Variants in MSRA observed in about 807,000 individuals in gnomAD.
MSRA encodes methionine sulfoxide reductase A.
MSRA carries 54 observed loss-of-function variants against 31.3 expected under a neutral mutation model. The observed-to-expected ratio is 1.73, with a 90% confidence interval of 1.39 to 2.17. MSRA has a LOEUF of 2.17. Among genes scored for constraint, MSRA ranks in the 30% most tolerant of loss-of-function variants. The pLI, the probability that MSRA is intolerant of heterozygous loss-of-function variation, is 0.00. For missense variants in MSRA, 507 were observed against 300.9 expected (o/e 1.69, Z -5.07); for synonymous variants, 169 against 116.5 (o/e 1.45, Z -2.90).
chr8:10,057,752 G>A (rs1361980618), intron 1 of MSRA, among the ~76,000 whole-genome samples: 1 of 152,130 alleles, frequency 6.6e-6, no homozygotes, highest in Non-Finnish European at 1.5e-5. Context: ...CCTTTGTGTG[G>A]AGATGTGCCA....
chr8:10,192,906 A>T (rs1262365406), intron 1 of MSRA, among the ~76,000 whole-genome samples: 1 of 152,234 alleles, frequency 6.6e-6, no homozygotes, highest in Admixed American at 6.5e-5. Context: ...CCATTTCATA[A>T]ACATGCTTTT....
intron 1 of MSRA, among the ~76,000 whole-genome samples, chr8:10,114,493 C>T (rs1296055216): frequency 9.9e-6 from 1 of 101,382 alleles, no homozygotes; most frequent in Non-Finnish European, 2.3e-5. Context: ...TCCTTGCCAA[C>T]ACTTGTTATT....
intron 3 of MSRA, among the ~76,000 whole-genome samples, chr8:10,263,695 G>A (rs1798599419): frequency 6.6e-6 from 1 of 152,148 alleles, no homozygotes; most frequent in South Asian, 2.1e-4. Context: ...TCTTTCTGAA[G>A]GGAAGCCTGC....
chr8:10,062,708 C>T (rs760673340), intron 1 of MSRA, among the ~76,000 whole-genome samples: 27 of 152,192 alleles, frequency 1.8e-4, no homozygotes, highest in African/African-American at 4.3e-4. Context: ...TTGGGGGCTC[C>T]GGCCTACATT....
At chr8:10,283,781 T>C (rs1799763402) in intron 3 of MSRA, among the ~76,000 whole-genome samples, 1 of 140,512 alleles carries the variant, frequency 7.1e-6, no homozygotes, top group Non-Finnish European at 1.5e-5. Flanking sequence ...ATTCCTTTTT[T>C]GGTTGAGTAG....
At chr8:10,058,200 T>G (rs1802503200) in intron 1 of MSRA, among the ~76,000 whole-genome samples, 1 of 152,140 alleles carries the variant, frequency 6.6e-6, no homozygotes, top group South Asian at 2.1e-4. Context: ...TTAAGAACTT[T>G]AAATAGAAAA....
intron 1 of MSRA, among the ~76,000 whole-genome samples, chr8:10,155,203 G>A (rs1325931313): frequency 6.6e-6 from 1 of 152,048 alleles, no homozygotes; most frequent in Admixed American, 6.5e-5. Context: ...TATGTCGGTA[G>A]GGATATTGAT....
At chr8:10,346,785 G>C (rs574183606) in intron 5 of MSRA, among the ~76,000 whole-genome samples, 2 of 152,312 alleles carry the variant, frequency 1.3e-5, no homozygotes, top group African/African-American at 4.8e-5. Context: ...AACTGTCAGG[G>C]AAATTAATCA....
chr8:10,221,706 A>C (rs1278591371), intron 2 of MSRA, among the ~76,000 whole-genome samples: 1 of 152,212 alleles, frequency 6.6e-6, no homozygotes, highest in African/African-American at 2.4e-5. Context: ...AGATTATGAT[A>C]AGTGCTGTTG....
chr8:10,377,219 G>C (rs1585624597), intron 5 of MSRA, among the ~76,000 whole-genome samples: 1 of 152,290 alleles, frequency 6.6e-6, no homozygotes, highest in African/African-American at 2.4e-5. Context: ...AACCAGGCCA[G>C]TTCACCTGCG....
At chr8:10,399,007 C>G (rs1166530788) in intron 5 of MSRA, among the ~76,000 whole-genome samples, 1 of 152,198 alleles carries the variant, frequency 6.6e-6, no homozygotes, top group Non-Finnish European at 1.5e-5. Flanking sequence ...CTGGGTTCGG[C>G]TCAGCAAATC....
At chr8:10,149,899 T>G (rs1028563191) in intron 1 of MSRA, among the ~76,000 whole-genome samples, 1 of 3,632 alleles carries the variant, frequency 2.8e-4, no homozygotes, top group African/African-American at 4.2e-4. Flanking sequence ...AACACTAAGG[T>G]GGTTTTTTTT....
intron 5 of MSRA, among the ~76,000 whole-genome samples, chr8:10,405,730 C>T (rs1277494844): frequency 6.6e-6 from 1 of 151,206 alleles, no homozygotes. Flanking sequence ...CACACACAAT[C>T]ACACACGTGT....
chr8:10,286,021 T>G (rs545996849), intron 3 of MSRA, among the ~76,000 whole-genome samples: 1 of 152,246 alleles, frequency 6.6e-6, no homozygotes, highest in African/African-American at 2.4e-5. Flanking sequence ...AGCTTCTTGG[T>G]GCAGGCATGT....
chr8:10,212,441 A>T (rs182198910), intron 2 of MSRA, among the ~76,000 whole-genome samples: 1 of 152,366 alleles, frequency 6.6e-6, no homozygotes, highest in East Asian at 1.9e-4. Flanking sequence ...GAACTTGGAT[A>T]GACAAAGTGA....
intron 3 of MSRA, among the ~76,000 whole-genome samples, chr8:10,273,614 T>C (rs1799159840): frequency 1.3e-5 from 2 of 152,178 alleles, no homozygotes; most frequent in Admixed American, 6.5e-5. Flanking sequence ...TTAGCTTTCT[T>C]ATGCAACCTC....
At chr8:10,163,367 G>T (rs112134229) in intron 1 of MSRA, among the ~76,000 whole-genome samples, 31 of 152,138 alleles carry the variant, frequency 2.0e-4, no homozygotes, top group Admixed American at 2.0e-3. Context: ...TTTCTAAACG[G>T]CACCCACCTT....
chr8:10,350,299 C>T (rs1489472557), intron 5 of MSRA, among the ~76,000 whole-genome samples: 1 of 152,250 alleles, frequency 6.6e-6, no homozygotes, highest in Admixed American at 6.5e-5. Flanking sequence ...TTTATACTCA[C>T]AGCGCTTCAC....
chr8:10,177,667 T>C (rs1054741197), intron 1 of MSRA, among the ~76,000 whole-genome samples: 3 of 152,238 alleles, frequency 2.0e-5, no homozygotes, highest in African/African-American at 7.2e-5. Context: ...TTAAGATCTT[T>C]TTGATCACAA....
Sources: allele counts gnomAD v4.1 joint callset (sites outside exome capture counted in the v4.1 genomes callset), GRCh38; gene constraint gnomAD v4.1.1; transcripts MANE v1.5; gene names NCBI Gene and HGNC (gene_info 2026-07-23, HGNC 2026-07-21).